The following STK32B variants were observed in gnomAD, a reference collection of about 807,000 sequenced individuals.
STK32B encodes serine/threonine kinase 32B.
A neutral mutation model predicts 52.6 loss-of-function variants in STK32B; 43 were observed. The ratio of observed to expected loss-of-function variants is 0.82; its 90% confidence interval spans 0.64 to 1.05. STK32B has a LOEUF of 1.05. Among genes scored for constraint, STK32B ranks in the 50% least tolerant of loss-of-function variants. The pLI is 0.00. For synonymous variants in STK32B, 238 were observed against 204.3 expected, an observed-to-expected ratio of 1.17 and a Z score of -1.41; for missense variants, 621 against 534.6, an observed-to-expected ratio of 1.16 and a Z score of -1.59.
chr4:5,165,861 A>G (rs2108732649), intron 2 of STK32B, among the ~76,000 whole-genome samples: 1 of 152,222 alleles, frequency 6.6e-6, no homozygotes, highest in Non-Finnish European at 1.5e-5. Flanking sequence ...CTTTTTGGAG[A>G]TTTCATGCAA....
chr4:5,215,172 T>C (rs757438067), intron 3 of STK32B, among the ~76,000 whole-genome samples: 3 of 152,226 alleles, frequency 2.0e-5, no homozygotes, highest in Non-Finnish European at 4.4e-5. Flanking sequence ...TCCTTTCCCT[T>C]CTGCAGTGGG....
At chr4:5,372,730 G>GA (rs1423905904) in intron 4 of STK32B, among the ~76,000 whole-genome samples, 2 of 150,024 alleles carry the variant, frequency 1.3e-5, no homozygotes, top group East Asian at 2.0e-4. Context: ...TGGGGGGGGG[G>GA]GCGGTTATTT....
intron 2 of STK32B, among the ~76,000 whole-genome samples, chr4:5,159,763 ATATATGAATATATGAATG>A (rs1718280324): frequency 7.0e-6 from 1 of 143,700 alleles, no homozygotes; most frequent in South Asian, 2.2e-4. Context: ...ATATGAATAT[ATATATGAATATATGAATG>A]TTTATGAATA....
At position 5,074,606 on chromosome 4, in the gene STK32B, G is replaced by A. The variant is rs183226811; in HGVS notation, c.52+22691G>A. 3.6e-4 allele frequency among the ~76,000 whole-genome samples: 55 copies of A among 152,082 alleles called. No individual in the cohort carries two copies. In the East Asian group the frequency reaches 8.7e-3, roughly 24 times the overall value. On this transcript the variant is annotated intron_variant, in intron 1 of 11. Transcript: ENST00000282908. ...TGTAGATGGTATATTATAGAAGCTAGCATGTGTAAAGCACTAAACACATGT... is the reference window on the plus strand; with the variant it reads ...TGTAGATGGTATATTATAGAAGCTAACATGTGTAAAGCACTAAACACATGT...
chr4:5,116,335 C>G (rs780952789), intron 1 of STK32B, among the ~76,000 whole-genome samples: 4 of 152,100 alleles, frequency 2.6e-5, no homozygotes, highest in East Asian at 3.8e-4. Flanking sequence ...CCATCTTACA[C>G]TTTTTAATAA....
chr4:5,137,949 G>T (rs748413234), intron 1 of STK32B, among the ~76,000 whole-genome samples: 3 of 152,180 alleles, frequency 2.0e-5, no homozygotes, highest in Non-Finnish European at 2.9e-5. Context: ...GTTCATTGCT[G>T]ATTTGAGGAC....
chr4:5,444,949 C>A (rs926311956), intron 6 of STK32B, among the ~76,000 whole-genome samples: 1 of 152,148 alleles, frequency 6.6e-6, no homozygotes, highest in Admixed American at 6.5e-5. Context: ...TTCCCAAGTG[C>A]ACCATTCCAC....
rs1057434568 is a variant in STK32B at position 5,469,141 on chromosome 4, T to C, written c.1106+1071T>C. ...CAGCAGGGGCAGCCGATGAGCCCCA[T>C]TGGACCCACACTAAGCCAAGCTTTG... On this transcript the variant is annotated intron_variant, in intron 11 of 11. Coordinates refer to ENST00000282908, the MANE Select transcript of STK32B (RefSeq NM_018401.3). This position sits in a 1 kb window ranked among gnomAD's most constrained non-coding sequence, Gnocchi z 4.7. Among the ~76,000 whole-genome samples, 2 of 152,010 alleles carry C rather than the reference T, an allele frequency of 1.3e-5. No individual in the cohort carries two copies. Among genetic ancestry groups the C allele is most frequent in the African/African-American group, 2.4e-5 (1 of 41,368 alleles).
chr4:5,354,024 C>G (rs913934068), intron 4 of STK32B, among the ~76,000 whole-genome samples: 1 of 152,170 alleles, frequency 6.6e-6, no homozygotes, highest in Admixed American at 6.5e-5. Context: ...AAATGTGATA[C>G]ATAGACACAC....
intron 1 of STK32B, among the ~76,000 whole-genome samples, chr4:5,055,391 T>C (rs1211837386): frequency 6.6e-6 from 1 of 152,048 alleles, no homozygotes; most frequent in African/African-American, 2.4e-5. Context: ...GTCCAAGCCA[T>C]GTCACAGCTC....
intron 3 of STK32B, among the ~76,000 whole-genome samples, chr4:5,270,645 G>C (rs534821273): frequency 1.3e-5 from 2 of 152,150 alleles, no homozygotes; most frequent in Non-Finnish European, 2.9e-5. Context: ...CTGAGATCTG[G>C]AACAAATATC....
intron 4 of STK32B, among the ~76,000 whole-genome samples, chr4:5,331,761 C>T (rs1295239729): frequency 2.0e-5 from 3 of 151,954 alleles, no homozygotes; most frequent in African/African-American, 7.2e-5. Context: ...CTCTTTTTTT[C>T]TGTACTTAGA....
Position 5,348,600 on chromosome 4 carries a change from A to G in STK32B, c.434+17207A>G, listed in dbSNP as rs543026808. ...TGCTGTGGGGCTGAAGTGCAAGCAAAGTGCACACCCCCAAGTTGCCTGATT... is the reference window on the plus strand; with the variant it reads ...TGCTGTGGGGCTGAAGTGCAAGCAAGGTGCACACCCCCAAGTTGCCTGATT... On this transcript the variant is annotated intron_variant, in intron 4 of 11. Transcript: ENST00000282908. Among the ~76,000 whole-genome samples, 9 of 152,200 alleles carry G rather than the reference A, an allele frequency of 5.9e-5. No homozygotes were observed. In the East Asian group the frequency reaches 1.7e-3, roughly 29 times the overall value.
chr4:5,172,233 A>G (rs1719440406), intron 3 of STK32B, among the ~76,000 whole-genome samples: 1 of 152,192 alleles, frequency 6.6e-6, no homozygotes, highest in African/African-American at 2.4e-5. Flanking sequence ...TTTTCTAGAT[A>G]TACAATCATG....
chr4:5,290,395 A>G (rs11729363), intron 3 of STK32B, among the ~76,000 whole-genome samples: 2,060 of 152,158 alleles, frequency 0.014, 28 homozygotes, highest in East Asian at 0.071. Flanking sequence ...TATTTTTTCT[A>G]TTTCTGCCTA....
chr4:5,376,295 G>A, intron 4 of STK32B, among the ~76,000 whole-genome samples: 1 of 152,172 alleles, frequency 6.6e-6, no homozygotes, highest in East Asian at 1.9e-4. Context: ...GTCTTGCTGG[G>A]GGACTCATTC....
At chr4:5,471,158 A>T (rs1055018731) in intron 11 of STK32B, among the ~76,000 whole-genome samples, 3 of 152,228 alleles carry the variant, frequency 2.0e-5, no homozygotes, top group African/African-American at 7.2e-5. Context: ...AGGGCCTGTT[A>T]GCATCTAGAG....
At position 5,210,235 on chromosome 4, in the gene STK32B, T is replaced by C. The variant is rs79540451; in HGVS notation, c.260+41785T>C. Among the ~76,000 whole-genome samples the C allele has an allele frequency of 1.5e-3, 235 of 151,920 alleles. 1 individual carries two copies. Among genetic ancestry groups the C allele is most frequent in the African/African-American group, 5.4e-3 (225 of 41,432 alleles). ...CTTGTCTTTCTCCTCCTCCTCCTCT[T>C]TCTTCTTCTTCTTCTCCTCCTCCTC... On this transcript the variant is annotated intron_variant, in intron 3 of 11. Transcript: ENST00000282908.
chr4:5,314,109 C>T (rs1730495635), intron 3 of STK32B, among the ~76,000 whole-genome samples: 1 of 135,240 alleles, frequency 7.4e-6, no homozygotes, highest in Admixed American at 6.8e-5. Context: ...TCTATAATAG[C>T]TAAGCAATTT....
Sources: gnomAD v4.1 joint callset for allele counts (sites outside exome capture counted in the v4.1 genomes callset) on GRCh38, gnomAD v4.1.1 for gene constraint, Gnocchi (gnomAD v3.1) non-coding constraint, MANE v1.5 for transcripts, NCBI Gene and HGNC (gene_info 2026-07-23, HGNC 2026-07-21) for gene names.